The following DRGX variants were observed in gnomAD, a reference collection of about 807,000 sequenced individuals.
DRGX encodes the protein dorsal root ganglia homeobox.
DRGX carries 21 observed loss-of-function variants against 28.6 expected under a neutral mutation model. The ratio of observed to expected loss-of-function variants is 0.73; its 90% confidence interval spans 0.52 to 1.06. The LOEUF (loss-of-function observed/expected upper bound fraction) is 1.06, where lower values mean the gene tolerates loss of function less well. Among genes scored for constraint, DRGX ranks in the 50% least tolerant of loss-of-function variants. DRGX has a pLI of 0.00. For synonymous variants in DRGX, 136 were observed against 139.1 expected (o/e 0.98, Z 0.16); for missense variants, 354 against 343.9 (o/e 1.03, Z -0.23).
At chr10:49,367,681 G>A (rs1849615174) in intron 6 of DRGX, among the ~76,000 whole-genome samples, 1 of 152,204 alleles carries the variant, frequency 6.6e-6, no homozygotes, top group Admixed American at 6.5e-5. Flanking sequence ...AATACGAAGA[G>A]GGAATTTCTG....
intron 6 of DRGX, among the ~76,000 whole-genome samples, chr10:49,374,578 CCA>C (rs1849697754): frequency 6.6e-6 from 1 of 152,210 alleles, no homozygotes; most frequent in African/African-American, 2.4e-5. Context: ...AATTTGATTT[CCA>C]TTAAGTTCCA....
At chr10:49,376,845 C>A (rs1849722530) in intron 6 of DRGX, among the ~76,000 whole-genome samples, 1 of 152,162 alleles carries the variant, frequency 6.6e-6, no homozygotes, top group Admixed American at 6.5e-5. Flanking sequence ...GGAGAAACTT[C>A]CTCCCTCCTC....
intron 3 of DRGX, 24 bp from the exon 4 acceptor site, chr10:49,390,258 C>T: frequency 6.3e-7 from 1 of 1,586,198 alleles, no homozygotes; most frequent in Non-Finnish European, 8.6e-7. Flanking sequence ...AAAATATGTA[C>T]TGGTGAGAGG....
intron 6 of DRGX, among the ~76,000 whole-genome samples, chr10:49,377,898 T>C (rs1278266009): frequency 6.6e-6 from 1 of 152,150 alleles, no homozygotes; most frequent in Non-Finnish European, 1.5e-5. Context: ...AAACCTGGAA[T>C]GGAGATTATA....
rs752452564 is a variant in DRGX at position 49,391,279 on chromosome 10, A to G, written c.35-18T>C. On this transcript the variant is annotated intron_variant, in intron 2 of 6. Coordinates refer to ENST00000374139, the MANE Select transcript of DRGX (RefSeq NM_001276451.2). ...TGCAGTGCCTACCAAGAGCAAACTG[A>G]TCAACCTGGGCAGGAAGGGGCCCCA... The G allele has an allele frequency of 1.3e-5, 21 of 1,604,204 alleles. No homozygotes were observed. Among genetic ancestry groups the G allele is most frequent in the East Asian group, 2.2e-5 (1 of 44,498 alleles).
At chr10:49,386,210 G>A (rs1333348039) in intron 6 of DRGX, among the ~76,000 whole-genome samples, 5 of 152,170 alleles carry the variant, frequency 3.3e-5, no homozygotes, top group Non-Finnish European at 7.3e-5. Context: ...CTGTGAACAT[G>A]GAAGGTCACT....
chr10:49,367,358 G>A (rs1849612220), intron 6 of DRGX, among the ~76,000 whole-genome samples: 1 of 151,738 alleles, frequency 6.6e-6, no homozygotes, highest in Admixed American at 6.6e-5. Flanking sequence ...GCAAGTCCCT[G>A]TCTCTAAAAA....
At chr10:49,367,762 C>A (rs756553772) in intron 6 of DRGX, among the ~76,000 whole-genome samples, 7 of 152,228 alleles carry the variant, frequency 4.6e-5, no homozygotes, top group Non-Finnish European at 7.3e-5. Context: ...TGTCCCAGCT[C>A]CCCTGCAGTC....
intron 2 of DRGX, 94 bp from the exon 3 acceptor site, chr10:49,391,355 C>T (rs1236940994): frequency 1.1e-6 from 1 of 926,186 alleles, no homozygotes; most frequent in South Asian, 1.4e-5. Flanking sequence ...CCTGACCCAC[C>T]AGACAGGAAG....
chr10:49,390,985 C>T (rs1392829298), intron 3 of DRGX, among the ~76,000 whole-genome samples, 179 bp downstream of exon 3: 1 of 152,126 alleles, frequency 6.6e-6, no homozygotes, highest in Admixed American at 6.5e-5. Context: ...ACAAGGTTAG[C>T]GTCATCTGCA....
Position 49,375,076 on chromosome 10 carries a change from CT to C in DRGX, c.527-8696del, listed in dbSNP as rs369479862. On this transcript the variant is annotated intron_variant, in intron 6 of 6. Transcript: ENST00000374139. ...CTACAATATTTAAGCATACTTTTAG[CT>C]GCTGTGTTTAAGTGCAGTCACCAAT... Among the ~76,000 whole-genome samples the C allele has an allele frequency of 2.8e-4, 42 of 152,334 alleles. No homozygotes were observed. In the East Asian group the frequency reaches 5.8e-3, roughly 21 times the overall value.
chr10:49,394,944 C>G (rs1327302848), intron 2 of DRGX, among the ~76,000 whole-genome samples: 2 of 152,254 alleles, frequency 1.3e-5, no homozygotes, highest in African/African-American at 4.8e-5. Flanking sequence ...GCAGTGTTCT[C>G]GCCAGCGGCC....
chr10:49,381,004 C>A (rs7915692), intron 6 of DRGX, among the ~76,000 whole-genome samples: 18,300 of 152,252 alleles, frequency 0.12, 1,253 homozygotes, highest in Middle Eastern at 0.2. Flanking sequence ...CCCCATTCTG[C>A]AGATGAGTGA....
intron 6 of DRGX, among the ~76,000 whole-genome samples, chr10:49,385,382 C>G (rs866396178): frequency 2.6e-5 from 4 of 152,280 alleles, no homozygotes; most frequent in Middle Eastern, 6.8e-3. Flanking sequence ...AGCTCTGGCC[C>G]CTGCTGGGCA....
At chr10:49,394,029 T>A (rs11101116) in intron 2 of DRGX, among the ~76,000 whole-genome samples, 2,479 of 152,316 alleles carry the variant, frequency 0.016, 32 homozygotes, top group Non-Finnish European at 0.025. Flanking sequence ...CTGGTTCAGA[T>A]GCACAGAGAA....
intron 2 of DRGX, among the ~76,000 whole-genome samples, chr10:49,392,450 A>C (rs1205639327): frequency 6.6e-6 from 1 of 152,254 alleles, no homozygotes; most frequent in Non-Finnish European, 1.5e-5. Flanking sequence ...TCAAAACCTT[A>C]GTTACAGGTA....
rs111319342 is a variant in DRGX at position 49,382,691 on chromosome 10, C to T, written c.526+3787G>A. On this transcript the variant is annotated intron_variant, in intron 6 of 6. Transcript: ENST00000374139. ...AACACATGTTCCACCCTCACCCTAC[C>T]TCTGGGCACTCTCCCATAGGCACCC... Among the ~76,000 whole-genome samples the T allele has an allele frequency of 8.0e-3, 1,211 of 152,292 alleles. 16 individuals are homozygous for T. The highest frequency in any genetic ancestry group is 0.027 in the African/African-American group (1,126 of 41,546).
intron 1 of DRGX, 98 bp downstream of exon 1, chr10:49,395,837 G>T (rs547768228): frequency 7.0e-5 from 19 of 270,874 alleles, no homozygotes; most frequent in South Asian, 1.2e-4. Flanking sequence ...CGGCTAGCGC[G>T]CAAGGCCATC....
chr10:49,371,707 G>A (rs1014884869), intron 6 of DRGX, among the ~76,000 whole-genome samples: 3 of 148,562 alleles, frequency 2.0e-5, no homozygotes, highest in Non-Finnish European at 1.5e-5. Context: ...TAGGAGAATC[G>A]CTTGAACCCG....
Sources: gnomAD v4.1 joint callset for allele counts (sites outside exome capture counted in the v4.1 genomes callset) on GRCh38, gnomAD v4.1.1 for gene constraint, MANE v1.5 for transcripts, NCBI Gene and HGNC (gene_info 2026-07-23, HGNC 2026-07-21) for gene names.